B4GALT5: variants seen among roughly 807,000 people sequenced by gnomAD.
B4GALT5 encodes the protein beta-1,4-galactosyltransferase 5.
Under a neutral mutation model 45.0 loss-of-function variants are expected in B4GALT5, and 11 were observed. That is an observed-to-expected ratio of 0.24 (90% confidence interval 0.15 to 0.40). The LOEUF is 0.40. Among genes scored for constraint, B4GALT5 ranks in the 10% least tolerant of loss-of-function variants. The probability of loss-of-function intolerance (pLI) is 1.00; values close to 1 mark genes in which losing one functional copy is unlikely to be tolerated. For synonymous variants in B4GALT5, 185 were observed against 182.9 expected (o/e 1.01, Z -0.09); for missense variants, 337 against 500.2 (o/e 0.67, Z 3.11).
chr20:49,642,178 G>A (rs2085579957), intron 5 of B4GALT5, among the ~76,000 whole-genome samples: 1 of 152,080 alleles, frequency 6.6e-6, no homozygotes, highest in East Asian at 1.9e-4. Flanking sequence ...TATCTTAAGG[G>A]GAACTTCCTG....
chr20:49,663,684 A>AAG (rs1303944733), intron 1 of B4GALT5, among the ~76,000 whole-genome samples: 36,296 of 74,382 alleles, frequency 0.49, 12,081 homozygotes, highest in South Asian at 0.59. Flanking sequence ...AGAAAAAAAA[A>AAG]AAAAAAATAT....
At position 49,636,279 on chromosome 20, in the gene B4GALT5, G is replaced by A; in HGVS notation, c.*33C>T. ...ATCTCATCGGACTGCTTTCTTGGTG[G>A]CGGTGGGTAAAGCAAACGTACATTC... On this transcript the variant is annotated 3_prime_UTR_variant, in exon 9 of 9. Transcript: ENST00000371711. 2 of 1,611,286 alleles carry A rather than the reference G, an allele frequency of 1.2e-6. No individual in the cohort carries two copies. The highest frequency in any genetic ancestry group is 1.7e-6 in the Non-Finnish European group (2 of 1,178,412).
At chr20:49,678,622 C>T (rs73910588) in intron 1 of B4GALT5, among the ~76,000 whole-genome samples, 16,156 of 152,222 alleles carry the variant, frequency 0.11, 955 homozygotes, top group Admixed American at 0.14. Flanking sequence ...CAGGTACCCT[C>T]GGGCCTTTGG....
intron 1 of B4GALT5, among the ~76,000 whole-genome samples, chr20:49,705,587 C>T (rs571718903): frequency 3.3e-5 from 5 of 152,128 alleles, no homozygotes; most frequent in Non-Finnish European, 7.4e-5. Context: ...CCATTCTCAC[C>T]GCAGCAGTCT....
chr20:49,656,298 T>C (rs6067167), intron 2 of B4GALT5, among the ~76,000 whole-genome samples: 71,051 of 152,012 alleles, frequency 0.47, 17,587 homozygotes, highest in South Asian at 0.65. Flanking sequence ...CTTGAATAGT[T>C]TGCAGAACCA....
intron 1 of B4GALT5, among the ~76,000 whole-genome samples, chr20:49,710,418 T>TTTTG (rs1555815354): frequency 8.1e-5 from 12 of 148,568 alleles, no homozygotes; most frequent in African/African-American, 2.5e-4. Flanking sequence ...TTTTTTTTTT[T>TTTTG]TGTGTGTGTG....
intron 1 of B4GALT5, among the ~76,000 whole-genome samples, chr20:49,679,885 T>G (rs761424055): frequency 3.9e-5 from 6 of 152,190 alleles, no homozygotes; most frequent in Non-Finnish European, 7.3e-5. Context: ...TATACCTGCC[T>G]TGAAGCAACA....
At chr20:49,636,576 C>T in intron 8 of B4GALT5, 117 bp from the exon 9 acceptor site, 1 of 1,213,218 alleles carries the variant, frequency 8.2e-7, no homozygotes, top group Non-Finnish European at 1.1e-6. Flanking sequence ...AGCACTTCTG[C>T]AGCACAAGGT....
intron 1 of B4GALT5, among the ~76,000 whole-genome samples, chr20:49,700,515 G>C (rs1204627341): frequency 6.6e-6 from 1 of 151,514 alleles, no homozygotes; most frequent in Non-Finnish European, 1.5e-5. Flanking sequence ...GCCTAGGCTG[G>C]TCTCAAACTC....
intron 1 of B4GALT5, among the ~76,000 whole-genome samples, chr20:49,685,543 G>A (rs1211108671): frequency 6.6e-6 from 1 of 152,060 alleles, no homozygotes; most frequent in Admixed American, 6.6e-5. Context: ...GAAAAACGCT[G>A]GATCCAAGCC....
chr20:49,674,875 C>A (rs1253442073), intron 1 of B4GALT5, among the ~76,000 whole-genome samples: 4 of 152,152 alleles, frequency 2.6e-5, no homozygotes, highest in Admixed American at 6.5e-5. Flanking sequence ...GTCCATAAAA[C>A]CTGGCTCCTG....
chr20:49,683,619 C>T (rs527237360), intron 1 of B4GALT5, among the ~76,000 whole-genome samples: 10 of 151,834 alleles, frequency 6.6e-5, no homozygotes, highest in African/African-American at 2.4e-4. Context: ...TCTTGAACTC[C>T]TGACCTCAGA....
At chr20:49,703,671 C>T (rs571684920) in intron 1 of B4GALT5, among the ~76,000 whole-genome samples, 1 of 151,566 alleles carries the variant, frequency 6.6e-6, no homozygotes, top group African/African-American at 2.4e-5. Flanking sequence ...GGTGGATCAC[C>T]TGAGGTCAGG....
At chr20:49,697,668 T>C (rs1015677866) in intron 1 of B4GALT5, among the ~76,000 whole-genome samples, 3 of 151,978 alleles carry the variant, frequency 2.0e-5, no homozygotes, top group Non-Finnish European at 4.4e-5. Context: ...GTAAAAGCTT[T>C]AAAAATCCAG....
At chr20:49,677,160 G>C (rs1343853793) in intron 1 of B4GALT5, among the ~76,000 whole-genome samples, 1 of 151,956 alleles carries the variant, frequency 6.6e-6, no homozygotes, top group Non-Finnish European at 1.5e-5. Flanking sequence ...GGGCTGGAAG[G>C]GGAACCACCG....
At chr20:49,658,982 T>C (rs1313850448) in intron 1 of B4GALT5, among the ~76,000 whole-genome samples, 1 of 152,244 alleles carries the variant, frequency 6.6e-6, no homozygotes, top group African/African-American at 2.4e-5. Flanking sequence ...AAACAACTTC[T>C]AGGCTTCAGT....
intron 1 of B4GALT5, among the ~76,000 whole-genome samples, chr20:49,691,806 G>A (rs889804160): frequency 2.0e-5 from 3 of 152,132 alleles, no homozygotes; most frequent in South Asian, 4.2e-4. Flanking sequence ...CTTATGCTTC[G>A]CTGTATTTCC....
chr20:49,701,968 G>C (rs748307993), intron 1 of B4GALT5, among the ~76,000 whole-genome samples: 2 of 152,184 alleles, frequency 1.3e-5, no homozygotes, highest in Admixed American at 6.5e-5. Context: ...AGGAGGCGGA[G>C]ACAGGAGAAT....
At chr20:49,695,093 G>A (rs1437446717) in intron 1 of B4GALT5, among the ~76,000 whole-genome samples, 1 of 149,286 alleles carries the variant, frequency 6.7e-6, no homozygotes, top group Non-Finnish European at 1.5e-5. Flanking sequence ...GTTTTCATTA[G>A]GTTCTTTTTT....
Sources: allele counts gnomAD v4.1 joint callset (sites outside exome capture counted in the v4.1 genomes callset), GRCh38; gene constraint gnomAD v4.1.1; transcripts MANE v1.5; gene names NCBI Gene and HGNC (gene_info 2026-07-23, HGNC 2026-07-21).